POLK: variants seen among roughly 807,000 people sequenced by gnomAD.
POLK encodes the protein DNA polymerase kappa.
A neutral mutation model predicts 94.0 loss-of-function variants in POLK; 76 were observed. The observed-to-expected ratio is 0.81, with a 90% CI of 0.67 to 0.98. The LOEUF (loss-of-function observed/expected upper bound fraction) is 0.98, where lower values mean the gene tolerates loss of function less well. Ranked by LOEUF, POLK falls within the 50% of genes least tolerant of loss-of-function variation. The probability of loss-of-function intolerance (pLI) is 0.00; values close to 1 mark genes in which losing one functional copy is unlikely to be tolerated. For missense variants in POLK, 954 were observed against 1,010.1 expected, an observed-to-expected ratio of 0.94 and a Z score of 0.75; for synonymous variants, 349 against 325.4, an observed-to-expected ratio of 1.07 and a Z score of -0.78.
intron 9 of POLK, 84 bp downstream of exon 9, chr5:75,585,010 TA>T (rs1772394047): frequency 1.2e-6 from 1 of 826,992 alleles, no homozygotes. Context: ...GCTATATGGA[TA>T]ACATGTTTTA....
At chr5:75,534,729 C>T (rs1478374093) in intron 1 of POLK, 1 of 152,108 alleles carries the variant, frequency 6.6e-6, no homozygotes, top group Admixed American at 6.5e-5. Context: ...TATGTAATGT[C>T]CCTCTTTGTC....
At chr5:75,549,537 A>T (rs1770232628) in intron 2 of POLK, among the ~76,000 whole-genome samples, 1 of 152,006 alleles carries the variant, frequency 6.6e-6, no homozygotes, top group Non-Finnish European at 1.5e-5. Flanking sequence ...AAAAATATAT[A>T]GGTGCATATA....
chr5:75,552,341 G>A, intron 2 of POLK, 131 bp from the exon 3 acceptor site: 1 of 717,744 alleles, frequency 1.4e-6, no homozygotes, highest in Non-Finnish European at 2.2e-6. Flanking sequence ...CACCTAGCTA[G>A]TAAGTAGTAG....
At chr5:75,552,617 T>A in intron 3 of POLK, 26 bp downstream of exon 3, 1 of 1,577,800 alleles carries the variant, frequency 6.3e-7, no homozygotes, top group South Asian at 1.2e-5. Context: ...TTAAATAAAG[T>A]GGAAGCTGGT....
chr5:75,581,418 G>T lies in POLK; in HGVS notation c.904G>T (p.Glu302Ter). The T allele has an allele frequency of 6.2e-7, 1 of 1,613,678 alleles. No individual in the cohort carries two copies. The highest frequency in any genetic ancestry group is 1.1e-5 in the South Asian group (1 of 91,028). Reference sequence around the variant, plus strand: ...GGTAAAGGAAATTCGTTTCAGAATTGAGCAGAAAACAACACTGACAGCCAG... The same window carrying T: ...GGTAAAGGAAATTCGTTTCAGAATTTAGCAGAAAACAACACTGACAGCCAG... The change falls in exon 7 of 15, where the codon GAG becomes TAG. Residue 302 changes from glutamate (E) to a stop codon, truncating the protein, a stop_gained. Transcript: ENST00000241436. LOFTEE classifies it high-confidence loss of function.
chr5:75,535,353 G>T (rs1406839081), intron 1 of POLK, among the ~76,000 whole-genome samples: 1 of 152,070 alleles, frequency 6.6e-6, no homozygotes, highest in Non-Finnish European at 1.5e-5. Flanking sequence ...TCCCTTTGTA[G>T]GTGCCCTCCC....
chr5:75,562,324 G>A (rs1771032327), intron 3 of POLK, among the ~76,000 whole-genome samples: 1 of 152,172 alleles, frequency 6.6e-6, no homozygotes, highest in Non-Finnish European at 1.5e-5. Context: ...GTCTATTGGT[G>A]TATAGGAAAG....
intron 8 of POLK, among the ~76,000 whole-genome samples, chr5:75,584,106 A>G (rs983047697): frequency 3.8e-4 from 58 of 152,324 alleles, no homozygotes; most frequent in Non-Finnish European, 5.6e-4. Context: ...ATGTTTTTCA[A>G]GTATGGATAG....
At chr5:75,602,115 T>C (rs997018914), downstream of POLK, among the ~76,000 whole-genome samples, 1 of 152,156 alleles carries the variant, frequency 6.6e-6, no homozygotes, top group African/African-American at 2.4e-5. Context: ...CTCCCAGAAA[T>C]GTGTGACAGC....
rs768852989 is a variant in POLK, at chr5:75,596,872, G to T, written c.2179G>T (p.Glu727Ter). The change falls in exon 13 of 15, where the codon GAA becomes TAA. Residue 727 changes from glutamate (E) to a stop codon, truncating the protein, a stop_gained. Transcript: ENST00000241436. LOFTEE classifies it high-confidence loss of function. Reference sequence around the variant, plus strand: ...TTTAAGTAATAAGCATAGCAAGGAAGAATGTTCTAGTCTCCCAAGCAAGTC... The same window carrying T: ...TTTAAGTAATAAGCATAGCAAGGAATAATGTTCTAGTCTCCCAAGCAAGTC... The T allele has an allele frequency of 4.3e-6, 7 of 1,613,634 alleles. No homozygotes were observed. Among genetic ancestry groups the T allele is most frequent in the Non-Finnish European group, 5.9e-6 (7 of 1,179,816 alleles).
At chr5:75,557,665 GTTC>G (rs1315489504) in intron 3 of POLK, among the ~76,000 whole-genome samples, 2 of 152,132 alleles carry the variant, frequency 1.3e-5, no homozygotes, top group Non-Finnish European at 2.9e-5. Context: ...ACCGTATTTA[GTTC>G]TTCTTTGCTT....
chr5:75,548,669 G>A (rs377607720), intron 2 of POLK, among the ~76,000 whole-genome samples: 1 of 151,992 alleles, frequency 6.6e-6, no homozygotes, highest in Admixed American at 6.6e-5. Flanking sequence ...GCGTGGTGAT[G>A]TCCACAGCAA....
upstream of POLK, chr5:75,511,480 C>T (rs767396481): frequency 2.3e-5 from 35 of 1,505,382 alleles, no homozygotes; most frequent in African/African-American, 5.6e-5. Flanking sequence ...GCGTTGCGCC[C>T]GGCGCTGCCA....
chr5:75,529,767 A>G (rs1769058160), intron 1 of POLK, among the ~76,000 whole-genome samples: 1 of 152,180 alleles, frequency 6.6e-6, no homozygotes, highest in South Asian at 2.1e-4. Context: ...ATACTGGAGT[A>G]TATAGAGATC....
At chr5:75,538,215 G>A (rs545370827) in intron 1 of POLK, among the ~76,000 whole-genome samples, 2 of 152,276 alleles carry the variant, frequency 1.3e-5, no homozygotes, top group Admixed American at 1.3e-4. Flanking sequence ...TATGCTGGAG[G>A]TAGCTGTTAA....
In POLK at chr5:75,522,404, A is replaced by G. The variant is rs535206617; in HGVS notation, c.-14+10490A>G. Among the ~76,000 whole-genome samples the G allele has an allele frequency of 5.3e-5, 8 of 152,236 alleles. No individual in the cohort carries two copies. The South Asian group carries it at 1.5e-3, about 28-fold the overall frequency. Reference sequence around the variant, plus strand: ...TTACTAGCAATAATCTCAGCACCATATATTTGTTTTTGGTTTTCTCTAGTG... The same window carrying G: ...TTACTAGCAATAATCTCAGCACCATGTATTTGTTTTTGGTTTTCTCTAGTG... On this transcript the variant is annotated intron_variant, in intron 1 of 14. Transcript: ENST00000241436.
chr5:75,563,510 TC>T (rs1771101508), intron 3 of POLK, among the ~76,000 whole-genome samples: 1 of 152,222 alleles, frequency 6.6e-6, no homozygotes, highest in African/African-American at 2.4e-5. Flanking sequence ...TTTAGATCGT[TC>T]CTGCTTTCTC....
chr5:75,554,629 T>A (rs1581005698), intron 3 of POLK, among the ~76,000 whole-genome samples: 2 of 152,112 alleles, frequency 1.3e-5, no homozygotes, highest in East Asian at 3.9e-4. Context: ...CACTCATTAG[T>A]TATTCTTCCT....
intron 4 of POLK, among the ~76,000 whole-genome samples, chr5:75,572,738 G>A (rs377275585): frequency 3.3e-5 from 5 of 152,108 alleles, no homozygotes; most frequent in Non-Finnish European, 5.9e-5. Context: ...TCAAAATACC[G>A]TGACAGAATA....
Sources: allele counts gnomAD v4.1 joint callset (sites outside exome capture counted in the v4.1 genomes callset), GRCh38; gene constraint gnomAD v4.1.1; transcripts MANE v1.5; gene names NCBI Gene and HGNC (gene_info 2026-07-23, HGNC 2026-07-21).